Variants in HHAT observed in about 807,000 individuals in gnomAD.
HHAT encodes the protein protein-cysteine N-palmitoyltransferase HHAT.
HHAT carries 47 observed loss-of-function variants against 70.8 expected under a neutral mutation model. The ratio of observed to expected loss-of-function variants is 0.66; its 90% confidence interval spans 0.53 to 0.85. The LOEUF (loss-of-function observed/expected upper bound fraction) is 0.85. Among genes scored for constraint, HHAT ranks in the 40% least tolerant of loss-of-function variants. The pLI, the probability that HHAT is intolerant of heterozygous loss-of-function variation, is 0.00. For synonymous variants in HHAT, 228 were observed against 247.6 expected, an observed-to-expected ratio of 0.92 and a Z score of 0.74; for missense variants, 609 against 604.8, an observed-to-expected ratio of 1.01 and a Z score of -0.07.
chr1:210,424,506 GT>G (rs71146223), intron 7 of HHAT, among the ~76,000 whole-genome samples: 62,089 of 135,218 alleles, frequency 0.46, 13,802 homozygotes, highest in East Asian at 0.58. Context: ...TGTGCCATGG[GT>G]TTTTTTTTTT....
At chr1:210,587,781 G>C in intron 9 of HHAT, 117 bp from the exon 10 acceptor site, 2 of 774,244 alleles carry the variant, frequency 2.6e-6, no homozygotes, top group Non-Finnish European at 4.3e-6. Flanking sequence ...CCTCTTGGAA[G>C]TGAGGAAGGA....
intron 10 of HHAT, among the ~76,000 whole-genome samples, chr1:210,596,473 C>T (rs12035717): frequency 0.42 from 64,035 of 151,842 alleles, 14,076 homozygotes; most frequent in South Asian, 0.51. Flanking sequence ...TTTGCCTTTT[C>T]GAGGCTGTTT....
At chr1:210,450,627 A>C (rs2093734255) in intron 7 of HHAT, among the ~76,000 whole-genome samples, 1 of 144,492 alleles carries the variant, frequency 6.9e-6, no homozygotes. Context: ...TTTTTTACAT[A>C]CCCCAAGGAC....
chr1:210,577,404 C>G (rs1020184397), intron 9 of HHAT, among the ~76,000 whole-genome samples: 1 of 151,998 alleles, frequency 6.6e-6, no homozygotes, highest in Non-Finnish European at 1.5e-5. Flanking sequence ...TTTAATTTTG[C>G]CAAATGCTTT....
chr1:210,584,345 T>A (rs762441887), intron 9 of HHAT, among the ~76,000 whole-genome samples: 1 of 152,106 alleles, frequency 6.6e-6, no homozygotes, highest in African/African-American at 2.4e-5. Flanking sequence ...ATCTGTACAG[T>A]TTCCTTAAAG....
chr1:210,481,552 G>A (rs947286792), intron 8 of HHAT, among the ~76,000 whole-genome samples: 3 of 152,156 alleles, frequency 2.0e-5, no homozygotes, highest in Non-Finnish European at 2.9e-5. Flanking sequence ...GCACTAAATA[G>A]GTGGTAGAAA....
chr1:210,663,236 G>T (rs557558455), intron 11 of HHAT, among the ~76,000 whole-genome samples: 1 of 152,138 alleles, frequency 6.6e-6, no homozygotes, highest in Non-Finnish European at 1.5e-5. Flanking sequence ...TGGGGGGACC[G>T]AGTGAGTGAG....
chr1:210,654,307 C>T (rs901785994), intron 11 of HHAT, among the ~76,000 whole-genome samples: 1 of 147,402 alleles, frequency 6.8e-6, no homozygotes, highest in Non-Finnish European at 1.5e-5. Flanking sequence ...CGTCCTTAGC[C>T]CTGTCTGTTC....
chr1:210,390,529 C>T (rs536241320), intron 4 of HHAT, among the ~76,000 whole-genome samples: 50 of 152,082 alleles, frequency 3.3e-4, no homozygotes, highest in African/African-American at 1.1e-3. Context: ...CAGTAGTTTT[C>T]GGGGTACAGG....
At chr1:210,604,017 A>G (rs1298213311) in intron 10 of HHAT, among the ~76,000 whole-genome samples, 2 of 152,196 alleles carry the variant, frequency 1.3e-5, no homozygotes, top group African/African-American at 4.8e-5. Flanking sequence ...GCAAGGGTAT[A>G]ATATAAAAGG....
At chr1:210,584,068 G>A (rs370334253) in intron 9 of HHAT, among the ~76,000 whole-genome samples, 15 of 141,844 alleles carry the variant, frequency 1.1e-4, no homozygotes, top group African/African-American at 2.6e-4. Context: ...TAAGCCTCCC[G>A]AGTAGCTGAG....
intron 10 of HHAT, among the ~76,000 whole-genome samples, chr1:210,607,843 C>G (rs895828813): frequency 6.6e-6 from 1 of 152,060 alleles, no homozygotes; most frequent in Admixed American, 6.6e-5. Flanking sequence ...GGGATACCCA[C>G]CCCCTAACAA....
At chr1:210,336,151 G>A (rs1046572627) in intron 1 of HHAT, among the ~76,000 whole-genome samples, 1 of 152,042 alleles carries the variant, frequency 6.6e-6, no homozygotes, top group African/African-American at 2.4e-5. Context: ...ACAGGATCTC[G>A]CTCTGTCACC....
At chr1:210,500,352 A>G (rs1291447602) in intron 8 of HHAT, among the ~76,000 whole-genome samples, 1 of 152,230 alleles carries the variant, frequency 6.6e-6, no homozygotes, top group Non-Finnish European at 1.5e-5. Context: ...GATTGTATTA[A>G]TAATAGCCTT....
At position 210,385,726 on chromosome 1, in the gene HHAT, T is replaced by C. The variant is rs557113261; in HGVS notation, c.160-1742T>C. 2.6e-5 allele frequency among the ~76,000 whole-genome samples: 4 copies of C among 152,348 alleles called. No homozygotes were observed. The South Asian group carries it at 8.3e-4, about 32-fold the overall frequency. On this transcript the variant is annotated intron_variant, in intron 3 of 11. Coordinates refer to ENST00000261458, the MANE Select transcript of HHAT (RefSeq NM_018194.6). Reference sequence around the variant, plus strand: ...AAAATGAGTGGCACAAAGTAAAGCATGATACGGTCTTGGCTGGTGGTTTAC... The same window carrying C: ...AAAATGAGTGGCACAAAGTAAAGCACGATACGGTCTTGGCTGGTGGTTTAC...
intron 9 of HHAT, among the ~76,000 whole-genome samples, chr1:210,560,074 C>T (rs1415306247): frequency 6.6e-6 from 1 of 152,120 alleles, no homozygotes; most frequent in Non-Finnish European, 1.5e-5. Context: ...GCAAAGTTTT[C>T]CTGTGTGCTC....
At chr1:210,586,424 C>A (rs960745912) in intron 9 of HHAT, among the ~76,000 whole-genome samples, 1 of 152,134 alleles carries the variant, frequency 6.6e-6, no homozygotes, top group African/African-American at 2.4e-5. Flanking sequence ...TGGGTAACAT[C>A]TAGAGATGCT....
At chr1:210,341,269 C>T (rs1175834367) in intron 1 of HHAT, among the ~76,000 whole-genome samples, 2 of 151,950 alleles carry the variant, frequency 1.3e-5, no homozygotes, top group African/African-American at 4.8e-5. Context: ...GGGTTATAGC[C>T]CATTTAGTGC....
chr1:210,533,604 A>G (rs78431337), intron 9 of HHAT, among the ~76,000 whole-genome samples: 18 of 152,292 alleles, frequency 1.2e-4, no homozygotes, highest in Non-Finnish European at 2.5e-4. Context: ...TCCTTGATGC[A>G]TCTTGCTGGA....
Sources: allele counts gnomAD v4.1 joint callset (sites outside exome capture counted in the v4.1 genomes callset), GRCh38; gene constraint gnomAD v4.1.1; transcripts MANE v1.5; gene names NCBI Gene and HGNC (gene_info 2026-07-23, HGNC 2026-07-21).